The following GFPT2 variants were observed in gnomAD, a reference collection of about 807,000 sequenced individuals.
The protein encoded by GFPT2 is glutamine--fructose-6-phosphate aminotransferase [isomerizing] 2.
GFPT2 carries 62 observed loss-of-function variants against 85.6 expected under a neutral mutation model. The observed-to-expected ratio is 0.72, with a 90% CI of 0.59 to 0.90. The LOEUF is 0.90. Ranked by LOEUF, GFPT2 falls within the 40% of genes least tolerant of loss-of-function variation. The pLI is 0.00. For synonymous variants in GFPT2, 368 were observed against 344.5 expected (o/e 1.07, Z -0.75); for missense variants, 788 against 893.4 (o/e 0.88, Z 1.50).
rs529754948 is a variant in GFPT2, at chr5:180,332,496, A to AT, written c.341-944dup. ...GGGATACGCTTCATAAATATTGACT[A>AT]TTTTTTTCAAAGCATCACTGTGAAG... is the stretch of plus-strand genomic sequence containing the variant. On this transcript the variant is annotated intron_variant, in intron 4 of 18. Transcript: ENST00000253778. Among the ~76,000 whole-genome samples the AT allele has an allele frequency of 8.1e-3, 1,227 of 151,922 alleles. 18 individuals carry two copies. Among genetic ancestry groups the AT allele is most frequent in the African/African-American group, 0.028 (1,166 of 41,400 alleles).
intron 1 of GFPT2, 25 bp from the exon 2 acceptor site, chr5:180,338,625 C>A (rs1479443093): frequency 1.4e-6 from 2 of 1,381,110 alleles, no homozygotes; most frequent in African/African-American, 2.8e-5. Context: ...AAAAATGGTG[C>A]ATTCATAAAA....
intron 5 of GFPT2, chr5:180,331,073 A>G: frequency 1.8e-6 from 1 of 546,684 alleles, no homozygotes; most frequent in Non-Finnish European, 3.2e-6. Context: ...GGACATTGCA[A>G]AATAACAGCA....
rs776590822 is a variant in GFPT2 at position 180,313,995 on chromosome 5, C to T, written c.1274-31G>A. ...GCCCAGGGGCCCTCTCAGTGCCGCG[C>T]TCCGCCAGCCTCGGCCCCACCCCAA... On this transcript the variant is annotated intron_variant, in intron 13 of 18. Transcript: ENST00000253778. 27 of 1,556,530 alleles carry T rather than the reference C, an allele frequency of 1.7e-5. No homozygotes were observed. In the East Asian group the frequency reaches 6.1e-4, roughly 35 times the overall value.
At chr5:180,302,964 T>G (rs1200095888) in intron 17 of GFPT2, among the ~76,000 whole-genome samples, 1 of 152,024 alleles carries the variant, frequency 6.6e-6, no homozygotes, top group East Asian at 1.9e-4. Context: ...GCGTGGTGGC[T>G]CACGCCTGTA....
chr5:180,351,527 C>T (rs189024568), intron 1 of GFPT2, among the ~76,000 whole-genome samples: 5 of 152,292 alleles, frequency 3.3e-5, no homozygotes, highest in Admixed American at 6.5e-5. Flanking sequence ...CCCCATGGAC[C>T]GCAGCCACTC....
Position 180,328,414 on chromosome 5 carries a change from C to T in GFPT2, c.535-76G>A. The stretch of plus-strand genomic sequence containing the variant: ...CAGCCTGGCCACAGCCCAGGTGCGT[C>T]TCCCTGGGCCCCTCCTGATGGCGGG... On this transcript the variant is annotated intron_variant, in intron 6 of 18. Coordinates refer to ENST00000253778, the MANE Select transcript of GFPT2 (RefSeq NM_005110.4). The surrounding 1 kb of genome is among the most constrained non-coding windows in gnomAD (Gnocchi z 5.4). 1 of 1,143,736 alleles carries T rather than the reference C, an allele frequency of 8.7e-7. No individual in the cohort carries two copies. The highest frequency in any genetic ancestry group is 2.3e-5 in the East Asian group (1 of 42,636). 70.8% of individuals were successfully genotyped at this position (1,143,736 alleles called of 1,614,324 possible).
At chr5:180,312,827 A>G (rs1763920334) in intron 14 of GFPT2, among the ~76,000 whole-genome samples, 1 of 152,080 alleles carries the variant, frequency 6.6e-6, no homozygotes, top group South Asian at 2.1e-4. Flanking sequence ...CCCAGGCTGG[A>G]GTGCAGTGGC....
Position 180,307,336 on chromosome 5 carries a change from A to C in GFPT2, c.1547-33T>G, listed in dbSNP as rs769176617. ...ATGCACGGAGCAGAGGGAGAAAACC[A>C]GTCAGGCCGACTTTAAAGCAATATT... On this transcript the variant is annotated intron_variant, in intron 15 of 18. Transcript: ENST00000253778. 4 of 1,611,142 alleles carry C rather than the reference A, an allele frequency of 2.5e-6. No individual in the cohort carries two copies. In the African/African-American group the frequency reaches 5.3e-5, roughly 22 times the overall value.
At chr5:180,335,626 T>C (rs1764378220) in intron 4 of GFPT2, among the ~76,000 whole-genome samples, 1 of 152,180 alleles carries the variant, frequency 6.6e-6, no homozygotes, top group African/African-American at 2.4e-5. Context: ...AGCACCACCC[T>C]AGGACCAGGC....
chr5:180,324,039 G>A (rs755715574), intron 9 of GFPT2, 149 bp downstream of exon 9: 1 of 671,366 alleles, frequency 1.5e-6, no homozygotes, highest in South Asian at 1.8e-5. Context: ...TCCAGGCCCA[G>A]GCCCAGGGAT....
Position 180,328,369 on chromosome 5 carries a change from C to A in GFPT2, c.535-31G>T. On this transcript the variant is annotated intron_variant, in intron 6 of 18. Transcript: ENST00000253778. This position sits in a 1 kb window ranked among gnomAD's most constrained non-coding sequence, Gnocchi z 5.4. Reference sequence around the variant, plus strand: ...AACACACAAACAGTGAGGGTCAACGCGTTCCAGCAGCCGCTGCTGCAGCCT... The same window carrying A: ...AACACACAAACAGTGAGGGTCAACGAGTTCCAGCAGCCGCTGCTGCAGCCT... The A allele has an allele frequency of 1.3e-6, 2 of 1,576,530 alleles. No individual in the cohort carries two copies. Among genetic ancestry groups the A allele is most frequent in the Non-Finnish European group, 1.7e-6 (2 of 1,146,572 alleles).
rs1048160509 is a variant in GFPT2, at chr5:180,301,223, T to C, written c.*341A>G. The C allele has an allele frequency of 1.4e-5, 5 of 352,874 alleles. No homozygotes were observed. Among genetic ancestry groups the C allele is most frequent in the African/African-American group, 6.2e-5 (3 of 48,094 alleles). 21.9% of individuals were successfully genotyped at this position (352,874 alleles called of 1,614,324 possible). ...CTTAAAAGCTATACAGTCGTCATTA[T>C]AAATATCTTGTCTTTTAAAACTAAC... is the stretch of plus-strand genomic sequence containing the variant. On this transcript the variant is annotated 3_prime_UTR_variant, in exon 19 of 19. Transcript: ENST00000253778.
intron 17 of GFPT2, among the ~76,000 whole-genome samples, 182 bp from the exon 18 acceptor site, chr5:180,302,766 G>A (rs1763701860): frequency 6.6e-6 from 1 of 152,180 alleles, no homozygotes; most frequent in Non-Finnish European, 1.5e-5. Context: ...AGTGTCTGAT[G>A]CTTTTTGGGG....
chr5:180,308,148 C>T (rs534766960), intron 15 of GFPT2, among the ~76,000 whole-genome samples: 19 of 151,704 alleles, frequency 1.3e-4, no homozygotes, highest in Middle Eastern at 3.4e-3. Context: ...CCCAGCTACT[C>T]GGGAGGCTGA....
At chr5:180,352,996 A>C in intron 1 of GFPT2, 1 of 388,332 alleles carries the variant, frequency 2.6e-6, no homozygotes, top group East Asian at 4.0e-5. Context: ...CGGGTTGGGC[A>C]TCCCCCACCC....
intron 1 of GFPT2, among the ~76,000 whole-genome samples, chr5:180,350,829 G>A (rs1462571631): frequency 6.6e-6 from 1 of 152,170 alleles, no homozygotes; most frequent in African/African-American, 2.4e-5. Context: ...CATGAGAGAA[G>A]CAGCAGGATA....
At chr5:180,351,505 C>T (rs773140268) in intron 1 of GFPT2, among the ~76,000 whole-genome samples, 5 of 152,072 alleles carry the variant, frequency 3.3e-5, no homozygotes, top group African/African-American at 4.8e-5. Flanking sequence ...GATTCTGGCT[C>T]CGAGTGGGCA....
At position 180,346,663 on chromosome 5, in the gene GFPT2, C is replaced by T. The variant is rs533897905; in HGVS notation, c.7+6548G>A. On this transcript the variant is annotated intron_variant, in intron 1 of 18. Coordinates refer to ENST00000253778, the MANE Select transcript of GFPT2 (RefSeq NM_005110.4). ...CCTGCAGGGTGCCCTCAGCCCAGTG[C>T]GTGCGCCCCTGGGGCCCCCAGGCCT... 3.9e-5 allele frequency among the ~76,000 whole-genome samples: 6 copies of T among 152,296 alleles called. No homozygotes were observed. The East Asian group carries it at 9.7e-4, about 25-fold the overall frequency.
At chr5:180,352,365 C>G in intron 1 of GFPT2, 1 of 433,200 alleles carries the variant, frequency 2.3e-6, no homozygotes, top group South Asian at 1.6e-5. Flanking sequence ...AAAAAGAGCA[C>G]AGTGACCTTT....
Sources: allele counts gnomAD v4.1 joint callset (sites outside exome capture counted in the v4.1 genomes callset), GRCh38; gene constraint gnomAD v4.1.1; non-coding constraint Gnocchi (gnomAD v3.1); transcripts MANE v1.5; gene names NCBI Gene and HGNC (gene_info 2026-07-23, HGNC 2026-07-21).